Variants in CMSS1 observed in about 807,000 individuals in gnomAD.
CMSS1 encodes the protein cms1 ribosomal small subunit homolog.
CMSS1 carries 33 observed loss-of-function variants against 43.5 expected under a neutral mutation model. That is an observed-to-expected ratio of 0.76 (90% CI 0.57 to 1.01). The LOEUF (loss-of-function observed/expected upper bound fraction) is 1.01, where lower values mean the gene tolerates loss of function less well. Among genes scored for constraint, CMSS1 ranks in the 50% least tolerant of loss-of-function variants. The probability of loss-of-function intolerance (pLI) is 0.00; values close to 1 mark genes in which losing one functional copy is unlikely to be tolerated. For missense variants in CMSS1, 313 were observed against 326.4 expected (o/e 0.96, Z 0.32); for synonymous variants, 115 against 117.2 (o/e 0.98, Z 0.12).
intron 1 of CMSS1, chr3:99,848,586 C>T (rs759114259): frequency 3.1e-6 from 5 of 1,614,046 alleles, no homozygotes; most frequent in African/African-American, 2.7e-5. Flanking sequence ...CTCTGAATAT[C>T]GCATGCTTGG....
intron 1 of CMSS1, among the ~76,000 whole-genome samples, chr3:99,991,877 C>CATATATAT (rs1319545183): frequency 2.1e-5 from 3 of 145,420 alleles, no homozygotes; most frequent in Admixed American, 6.8e-5. Flanking sequence ...TATATACACA[C>CATATATAT]ATATATGTAT....
intron 1 of CMSS1, among the ~76,000 whole-genome samples, chr3:99,870,339 A>G (rs1204767164): frequency 6.6e-6 from 1 of 152,208 alleles, no homozygotes; most frequent in Non-Finnish European, 1.5e-5. Context: ...CAGTGTCACT[A>G]TTCAGCAAGG....
intron 1 of CMSS1, among the ~76,000 whole-genome samples, chr3:100,029,228 T>C (rs779148086): frequency 6.5e-4 from 98 of 151,824 alleles, no homozygotes; most frequent in Non-Finnish European, 1.3e-3. Flanking sequence ...TTATTTTTTA[T>C]TTTCACATGT....
At chr3:99,913,095 C>T (rs1002474850) in intron 1 of CMSS1, among the ~76,000 whole-genome samples, 7 of 152,048 alleles carry the variant, frequency 4.6e-5, no homozygotes, top group East Asian at 1.9e-4. Flanking sequence ...GAGACGACAG[C>T]GGTTTACAAC....
chr3:99,948,197 T>G (rs1281732263), intron 1 of CMSS1, among the ~76,000 whole-genome samples: 2 of 152,220 alleles, frequency 1.3e-5, no homozygotes, highest in East Asian at 3.9e-4. Flanking sequence ...TTGCATGGTA[T>G]AGGACATGGA....
intron 1 of CMSS1, among the ~76,000 whole-genome samples, chr3:100,106,149 A>G (rs971489336): frequency 1.3e-5 from 2 of 152,174 alleles, no homozygotes; most frequent in Non-Finnish European, 2.9e-5. Context: ...AATCAGATAC[A>G]GATACCACAT....
intron 1 of CMSS1, chr3:100,023,498 A>G (rs1432043643): frequency 6.6e-6 from 1 of 152,664 alleles, no homozygotes; most frequent in Non-Finnish European, 1.5e-5. Flanking sequence ...CTCCGAGTCT[A>G]TAATTTACTA....
intron 1 of CMSS1, among the ~76,000 whole-genome samples, chr3:99,973,146 G>C (rs1352988146): frequency 6.6e-6 from 1 of 152,202 alleles, no homozygotes; most frequent in East Asian, 1.9e-4. Context: ...CCAAGGTTTA[G>C]ATTTTATGAT....
chr3:100,131,189 G>T (rs143964220), intron 1 of CMSS1, among the ~76,000 whole-genome samples: 1 of 152,114 alleles, frequency 6.6e-6, no homozygotes, highest in African/African-American at 2.4e-5. Context: ...AAACTAAGGC[G>T]CAAAAAGAGC....
intron 1 of CMSS1, among the ~76,000 whole-genome samples, chr3:99,968,828 ATTGTGTC>A (rs1708730216): frequency 6.6e-6 from 1 of 152,192 alleles, no homozygotes; most frequent in Non-Finnish European, 1.5e-5. Flanking sequence ...GCAGAATGAC[ATTGTGTC>A]TTGTTTTAAA....
At chr3:99,949,244 A>G (rs945630597) in intron 1 of CMSS1, among the ~76,000 whole-genome samples, 2 of 152,238 alleles carry the variant, frequency 1.3e-5, no homozygotes, top group African/African-American at 2.4e-5. Context: ...GGCTAGGCCT[A>G]CAAAAAAACT....
At chr3:100,067,123 C>A (rs529885423) in intron 1 of CMSS1, among the ~76,000 whole-genome samples, 2 of 152,262 alleles carry the variant, frequency 1.3e-5, no homozygotes, top group Admixed American at 1.3e-4. Context: ...ACCTAGAATA[C>A]AGGAGTTTTG....
intron 1 of CMSS1, among the ~76,000 whole-genome samples, chr3:100,111,198 T>G (rs1294555571): frequency 6.6e-6 from 1 of 152,032 alleles, no homozygotes; most frequent in Non-Finnish European, 1.5e-5. Flanking sequence ...AGAAGGGCAA[T>G]GGAGGCAGAA....
At chr3:100,153,284 T>C (rs2066938056) in intron 2 of CMSS1, among the ~76,000 whole-genome samples, 1 of 152,236 alleles carries the variant, frequency 6.6e-6, no homozygotes, top group South Asian at 2.1e-4. Context: ...AAATGGCATA[T>C]AAATGGAATC....
chr3:100,025,114 G>A (rs964269887), intron 1 of CMSS1, among the ~76,000 whole-genome samples: 6 of 151,994 alleles, frequency 3.9e-5, no homozygotes, highest in Non-Finnish European at 7.4e-5. Flanking sequence ...GGAGTTAATC[G>A]AGGCCGTAAG....
chr3:99,991,697 A>C (rs889469547), intron 1 of CMSS1, among the ~76,000 whole-genome samples: 1 of 151,966 alleles, frequency 6.6e-6, no homozygotes, highest in African/African-American at 2.4e-5. Context: ...AGGTGAGAAC[A>C]TGCTGTATTT....
At position 100,181,401 on chromosome 3, in the gene CMSS1, T is replaced by C. The variant is rs1302650790; in HGVS notation, c.*3013T>C. 6.6e-6 allele frequency: 1 copy of C among 152,246 alleles called. No homozygotes were observed. The highest frequency in any genetic ancestry group is 2.4e-5 in the African/African-American group (1 of 41,460). The allele number at this position is 152,246 out of a possible 1,614,324, so 9.4% of individuals were successfully genotyped here. A position where few individuals can be genotyped will look rare whatever the true frequency, so the allele number is the denominator to read the frequency against. ...GAGCTTTCCCTGTGTTAAATTCTTG[T>C]ATAACCATAATAGAGTTATCAAAAC... is the stretch of plus-strand genomic sequence containing the variant. On this transcript the variant is annotated 3_prime_UTR_variant, in exon 10 of 10. Coordinates refer to ENST00000421999, the MANE Select transcript of CMSS1 (RefSeq NM_032359.4).
chr3:99,976,815 C>T (rs1266765728), intron 1 of CMSS1, among the ~76,000 whole-genome samples: 1 of 152,020 alleles, frequency 6.6e-6, no homozygotes, highest in Non-Finnish European at 1.5e-5. Flanking sequence ...AGATGTTTGA[C>T]CATTATCTCT....
At chr3:100,039,029 T>C (rs1356222071) in intron 1 of CMSS1, among the ~76,000 whole-genome samples, 2 of 152,248 alleles carry the variant, frequency 1.3e-5, no homozygotes, top group African/African-American at 2.4e-5. Context: ...ACAATAATTT[T>C]GCATTAATTC....
Sources: allele counts gnomAD v4.1 joint callset (sites outside exome capture counted in the v4.1 genomes callset), GRCh38; gene constraint gnomAD v4.1.1; transcripts MANE v1.5; gene names NCBI Gene and HGNC (gene_info 2026-07-23, HGNC 2026-07-21).